Variants in PELP1 observed in about 807,000 individuals in gnomAD.
The protein encoded by PELP1 is proline, glutamate and leucine rich protein 1.
PELP1 carries 32 observed loss-of-function variants against 95.5 expected under a neutral mutation model. The observed-to-expected ratio is 0.34, with a 90% CI of 0.25 to 0.45. The LOEUF is 0.45. Ranked by LOEUF, PELP1 falls within the 20% of genes least tolerant of loss-of-function variation. PELP1 has a pLI of 1.00. For missense variants in PELP1, 1,358 were observed against 1,444.8 expected (o/e 0.94, Z 0.97); for synonymous variants, 668 against 600.1 (o/e 1.11, Z -1.65).
intron 1 of PELP1, among the ~76,000 whole-genome samples, chr17:4,701,631 G>C (rs1046125657): frequency 6.6e-6 from 1 of 152,206 alleles, no homozygotes; most frequent in Non-Finnish European, 1.5e-5. Context: ...CATGTTGGTA[G>C]GTGGATGATC....
rs1912378379 is a variant in PELP1, at chr17:4,674,629, G to C, written c.1463C>G (p.Thr488Ser). ...CTTCTTGGGGGCGCTAGGCTTCCCAGTCTGCAAACTCCCATCAGGGCTCCC... is the reference window on the plus strand; with the variant it reads ...CTTCTTGGGGGCGCTAGGCTTCCCACTCTGCAAACTCCCATCAGGGCTCCC... ...PRGSPDGSLQ[T>S]GKPSAPKKLK... Residue 488 changes from threonine (T) to serine (S), a missense_variant, in exon 13 of 17, where the codon ACT (threonine) becomes AGT (serine). Thr to Ser is a moderately conservative substitution (Grantham distance 58). Around this residue, in one of 7 missense-constraint regions of PELP1, gnomAD observed 538 missense variants for 628.1 expected, o/e 0.86. Coordinates refer to ENST00000572293, the MANE Select transcript of PELP1 (RefSeq NM_014389.3). 1 of 1,604,238 alleles carries C rather than the reference G, an allele frequency of 6.2e-7. No individual in the cohort carries two copies. Among genetic ancestry groups the C allele is most frequent in the Non-Finnish European group, 8.5e-7 (1 of 1,177,304 alleles).
In PELP1 at chr17:4,672,213, CTCTTCTTCCTCT is replaced by C. The variant is rs764586918; in HGVS notation, c.2766_2777del (p.Glu927_Glu930del). The C allele has an allele frequency of 2.8e-5, 43 of 1,552,264 alleles. No homozygotes were observed. In the South Asian group the frequency reaches 3.4e-4, roughly 12 times the overall value. On this transcript the variant is annotated inframe_deletion, in exon 16 of 17. Coordinates refer to ENST00000572293, the MANE Select transcript of PELP1 (RefSeq NM_014389.3). ...ATTCTTCCTCAAACTCTTCTTCCTC[CTCTTCTTCCTCT>C]TCAAAATATTCCTCTTCATCCTCTT...
At position 4,672,544 on chromosome 17, in the gene PELP1, G is replaced by A. The variant is rs1163266123; in HGVS notation, c.2447C>T (p.Pro816Leu). 26 of 1,568,132 alleles carry A rather than the reference G, an allele frequency of 1.7e-5. No individual in the cohort carries two copies. Among genetic ancestry groups the A allele is most frequent in the Non-Finnish European group, 2.2e-5 (26 of 1,155,688 alleles). ...ATPPPIAPTG[P>L]PTASPPVPAK... is the part of the protein sequence containing the mutation. ...TGGCACAGGAGGGGAGGCTGTTGGT[G>A]GCCCAGTGGGGGCTATAGGGGGTGG... The change falls in exon 16 of 17, where the codon CCA (proline) becomes CTA (leucine). Residue 816 changes from proline to leucine, a missense_variant. Around this residue, in one of 7 missense-constraint regions of PELP1, gnomAD observed 340 missense variants for 322.9 expected, o/e 1.05. Transcript: ENST00000572293.
chr17:4,674,408 CAA>C, intron 13 of PELP1, 100 bp downstream of exon 13: 5 of 1,114,886 alleles, frequency 4.5e-6, no homozygotes, highest in Non-Finnish European at 6.5e-6. Flanking sequence ...ACTCTCCCCA[CAA>C]AAGTTTCACC....
chr17:4,676,310 C>G (rs775120719), intron 7 of PELP1, 47 bp downstream of exon 7: 4 of 1,595,402 alleles, frequency 2.5e-6, no homozygotes, highest in Non-Finnish European at 3.4e-6. Context: ...TCCTTCCTGC[C>G]ACGCTTCCTC....
intron 1 of PELP1, chr17:4,691,968 T>C (rs1470109624): frequency 6.5e-6 from 1 of 154,010 alleles, no homozygotes; most frequent in Non-Finnish European, 1.4e-5. Context: ...ACGAAAGATG[T>C]TTCCTCATCA....
rs2150553689 is a variant in PELP1, at chr17:4,674,544, A to G, written c.1548T>C (p.Asn516=). 1.9e-6 allele frequency: 3 copies of G among 1,613,034 alleles called. No homozygotes were observed. Among genetic ancestry groups the G allele is most frequent in the Non-Finnish European group, 2.5e-6 (3 of 1,179,532 alleles). The stretch of plus-strand genomic sequence containing the variant: ...CAGCCGCACACACGTCGCTGTTGGC[A>G]TTGCTATCCCCTTTCCGGTGGCTTG... The part of the protein sequence containing the change: ...APPSHRKGDS[N]ANSDVCAAAL... Residue 516 remains asparagine (N), a synonymous_variant, in exon 13 of 17, where the codon AAT becomes AAC. Transcript: ENST00000572293.
intron 5 of PELP1, among the ~76,000 whole-genome samples, chr17:4,679,416 A>G (rs575889832): frequency 6.6e-6 from 1 of 152,130 alleles, no homozygotes; most frequent in East Asian, 1.9e-4. Flanking sequence ...GACTACTCAC[A>G]CTGAAAATAA....
At chr17:4,703,804 C>T (rs1217600492) in intron 1 of PELP1, 59 bp downstream of exon 1, 15 of 1,453,682 alleles carry the variant, frequency 1.0e-5, no homozygotes, top group Non-Finnish European at 1.4e-5. Flanking sequence ...GTAATCCCGG[C>T]GCACAGGTGC....
Position 4,671,352 on chromosome 17 carries a change from G to C in PELP1, c.*87C>G. 2 of 776,108 alleles carry C rather than the reference G, an allele frequency of 2.6e-6. No homozygotes were observed. Among genetic ancestry groups the C allele is most frequent in the Non-Finnish European group, 4.6e-6 (2 of 435,698 alleles). The allele number at this position is 776,108 out of a possible 1,614,324, so 48.1% of individuals were successfully genotyped here. A position where few individuals can be genotyped will look rare whatever the true frequency, so the allele number is the denominator to read the frequency against. On this transcript the variant is annotated 3_prime_UTR_variant, in exon 17 of 17. Transcript: ENST00000572293. ...GCAGACACTTGAGCTTCTGGCTGGG[G>C]ACCCAGGTGTGGCAAAAGGCAGAAG...
In PELP1 at chr17:4,671,832, A is replaced by C. The variant is rs181145770; in HGVS notation, c.3159T>G (p.Leu1053=). 1 of 1,508,758 alleles carries C rather than the reference A, an allele frequency of 6.6e-7. No individual in the cohort carries two copies. The highest frequency in any genetic ancestry group is 8.8e-7 in the Non-Finnish European group (1 of 1,132,948). 93.5% of individuals were successfully genotyped at this position (1,508,758 alleles called of 1,614,324 possible). ...SPAAGPPPQE[L]VEEEPSAPPT... Reference sequence around the variant, plus strand: ...GGGGAGCAGAGGGCTCTTCTTCAACAAGCTCCTGGGGAGGGGGCCCTGCCG... The same window carrying C: ...GGGGAGCAGAGGGCTCTTCTTCAACCAGCTCCTGGGGAGGGGGCCCTGCCG... Residue 1053 remains leucine (L), a synonymous_variant, in exon 16 of 17, where the codon CTT becomes CTG. Transcript: ENST00000572293.
chr17:4,671,211 G>A lies in PELP1; in HGVS notation c.*228C>T, dbSNP rs940887812. On this transcript the variant is annotated 3_prime_UTR_variant, in exon 17 of 17. Coordinates refer to ENST00000572293, the MANE Select transcript of PELP1 (RefSeq NM_014389.3). ...AGAATCCTACAATTCTGACACCATCGTGCTGAGTGATGGGACAGTCCATTA... is the reference window on the plus strand; with the variant it reads ...AGAATCCTACAATTCTGACACCATCATGCTGAGTGATGGGACAGTCCATTA... The A allele has an allele frequency of 7.0e-6, 4 of 568,784 alleles. No homozygotes were observed. The highest frequency in any genetic ancestry group is 3.1e-5 in the Admixed American group (1 of 32,212). 35.2% of individuals were successfully genotyped at this position (568,784 alleles called of 1,614,324 possible).
chr17:4,673,150 G>A lies in PELP1; in HGVS notation c.1846-5C>T. On this transcript the variant is annotated splice_region_variant and splice_polypyrimidine_tract_variant and intron_variant, in intron 15 of 16. Transcript: ENST00000572293. This position sits in a 1 kb window ranked among gnomAD's most constrained non-coding sequence, Gnocchi z 5.7. ...TTCTGAGCAGAAAGAGGAGACCTGA[G>A]GAAAGAAGAAAGGGCAAGTGTGAGC... 2.0e-6 allele frequency: 3 copies of A among 1,513,424 alleles called. No individual in the cohort carries two copies. The highest frequency in any genetic ancestry group is 1.8e-6 in the Non-Finnish European group (2 of 1,130,940). 93.7% of individuals were successfully genotyped at this position (1,513,424 alleles called of 1,614,324 possible).
chr17:4,679,970 TCA>T (rs1912631762), intron 5 of PELP1, among the ~76,000 whole-genome samples: 1 of 152,190 alleles, frequency 6.6e-6, no homozygotes, highest in Non-Finnish European at 1.5e-5. Flanking sequence ...GAACTCTGAC[TCA>T]CAGTCCTTCC....
chr17:4,687,565 G>C (rs1267960366), intron 3 of PELP1, among the ~76,000 whole-genome samples: 1 of 151,726 alleles, frequency 6.6e-6, no homozygotes, highest in African/African-American at 2.4e-5. Context: ...TGGTCTATGG[G>C]TGCCTGTTTT....
At position 4,704,049 on chromosome 17, in the gene PELP1, G is replaced by A. The variant is rs1913672779; in HGVS notation, c.63C>T (p.Thr21=). 6.2e-7 allele frequency: 1 copy of A among 1,612,368 alleles called. No homozygotes were observed. Residue 21 remains threonine (T), a synonymous_variant, in exon 1 of 17, where the codon ACC becomes ACT. Coordinates refer to ENST00000572293, the MANE Select transcript of PELP1 (RefSeq NM_014389.3). ...CCGAGCTCACTGCCGAGAGACCCCC[G>A]GTCCCGCCAGGAACCCCAGCCGCGG... ...AGSAAGVPGG[T]GGLSAVSSGP...
In PELP1 at chr17:4,673,966, G is replaced by A. The variant is rs1333548840; in HGVS notation, c.1583-292C>T. 9.6e-6 allele frequency: 4 copies of A among 418,372 alleles called. No individual in the cohort carries two copies. The highest frequency in any genetic ancestry group is 1.8e-5 in the Non-Finnish European group (4 of 228,458). The allele number at this position is 418,372 out of a possible 1,614,324, so 25.9% of individuals were successfully genotyped here. On this transcript the variant is annotated intron_variant, in intron 13 of 16. Transcript: ENST00000572293. This position sits in a 1 kb window ranked among gnomAD's most constrained non-coding sequence, Gnocchi z 5.7. ...CCCATGGGATGGGGTGGCAGGCAGTGAAATATATGGGACCCAGAGGAAAGG... is the reference window on the plus strand; with the variant it reads ...CCCATGGGATGGGGTGGCAGGCAGTAAAATATATGGGACCCAGAGGAAAGG...
rs779645929 is a variant in PELP1 at position 4,672,430 on chromosome 17, G to A, written c.2561C>T (p.Thr854Met). ...AGGGACCAACTGGGGTGGAGGGAGCGTCACAGGACCAGGAACAGGCGGCGG... is the reference window on the plus strand; with the variant it reads ...AGGGACCAACTGGGGTGGAGGGAGCATCACAGGACCAGGAACAGGCGGCGG... The part of the protein sequence containing the change: ...PPPPPVPGPV[T>M]LPPPQLVPEG... Residue 854 changes from threonine to methionine, a missense_variant, in exon 16 of 17, where the codon ACG becomes ATG. This residue lies in a region of PELP1 where 340 missense variants were observed against 322.9 expected (regional missense o/e 1.05). Coordinates refer to ENST00000572293, the MANE Select transcript of PELP1 (RefSeq NM_014389.3). 67 of 1,569,962 alleles carry A rather than the reference G, an allele frequency of 4.3e-5. No individual in the cohort carries two copies. In the East Asian group the frequency reaches 1.1e-3, roughly 25 times the overall value.
intron 3 of PELP1, among the ~76,000 whole-genome samples, chr17:4,690,365 T>C (rs1009879803): frequency 1.3e-5 from 2 of 151,988 alleles, no homozygotes; most frequent in African/African-American, 4.8e-5. Flanking sequence ...TCTCAGAAAT[T>C]ACCACTAAAG....
Sources: allele counts gnomAD v4.1 joint callset (sites outside exome capture counted in the v4.1 genomes callset), GRCh38; gene constraint gnomAD v4.1.1; regional missense constraint gnomAD v4.1.1; non-coding constraint Gnocchi (gnomAD v3.1); transcripts MANE v1.5; gene names NCBI Gene and HGNC (gene_info 2026-07-23, HGNC 2026-07-21).